KDM4B: variants seen among roughly 807,000 people sequenced by gnomAD.
KDM4B encodes lysine demethylase 4B, also known as lysine-specific demethylase 4B.
KDM4B carries 32 observed loss-of-function variants against 125.2 expected under a neutral mutation model. The ratio of observed to expected loss-of-function variants is 0.26; its 90% CI spans 0.19 to 0.34. KDM4B has a LOEUF of 0.34. KDM4B is among the 10% of genes least tolerant of loss of function. The pLI is 1.00. For synonymous variants in KDM4B, 721 were observed against 677.9 expected (o/e 1.06, Z -0.99); for missense variants, 1,190 against 1,577.7 (o/e 0.75, Z 4.16).
At chr19:5,113,940 G>A (rs2039203145) in intron 10 of KDM4B, 5 of 1,221,184 alleles carry the variant, frequency 4.1e-6, no homozygotes, top group South Asian at 2.8e-5. Context: ...CAGAGGACAC[G>A]GCCTACTCCC....
At position 5,110,701 on chromosome 19, in the gene KDM4B, G is replaced by C; in HGVS notation, c.998G>C (p.Trp333Ser). Residue 333 changes from tryptophan (W) to serine (S), a missense_variant, in exon 10 of 23, where the codon TGG becomes TCG. Physicochemically the swap from Trp to Ser is radical, Grantham distance 177. This residue lies in a region of KDM4B where 428 missense variants were observed against 405.1 expected (regional missense o/e 1.06). Coordinates refer to ENST00000159111, the MANE Select transcript of KDM4B (RefSeq NM_015015.3). ...CTGCAGCCCGAGCGCTACGAGCTGT[G>C]GAAGCAGGGCAAGGACCTCACGGTG... ...RILQPERYEL[W>S]KQGKDLTVLD... 1 of 1,612,966 alleles carries C rather than the reference G, an allele frequency of 6.2e-7. No individual in the cohort carries two copies. The highest frequency in any genetic ancestry group is 8.5e-7 in the Non-Finnish European group (1 of 1,179,884).
At chr19:5,064,335 C>CCGTCTG (rs1297898375) in intron 6 of KDM4B, among the ~76,000 whole-genome samples, 2 of 152,188 alleles carry the variant, frequency 1.3e-5, no homozygotes, top group Non-Finnish European at 1.5e-5. Context: ...TGGCGAAGGC[C>CCGTCTG]CGTCTGCCCA....
chr19:5,135,791 A>G (rs540333342), intron 15 of KDM4B, among the ~76,000 whole-genome samples: 1 of 152,324 alleles, frequency 6.6e-6, no homozygotes, highest in East Asian at 1.9e-4. Context: ...GGCTGTGGCC[A>G]TGGAAGGGCT....
intron 5 of KDM4B, among the ~76,000 whole-genome samples, chr19:5,046,524 C>T (rs2037031888): frequency 6.6e-6 from 1 of 152,214 alleles, no homozygotes; most frequent in South Asian, 2.1e-4. Flanking sequence ...GCTGTGAGAG[C>T]AGCTCACGTT....
intron 11 of KDM4B, among the ~76,000 whole-genome samples, chr19:5,120,451 G>A (rs1372001207): frequency 1.3e-5 from 2 of 152,188 alleles, no homozygotes; most frequent in Non-Finnish European, 2.9e-5. Context: ...CCGTCAGCAG[G>A]TCTCCCACCT....
intron 3 of KDM4B, among the ~76,000 whole-genome samples, chr19:5,039,455 C>T (rs994222046): frequency 6.6e-6 from 1 of 151,988 alleles, no homozygotes; most frequent in Non-Finnish European, 1.5e-5. Context: ...CCTGTCTCAA[C>T]AACAACAACA....
rs1440373845 is a variant in KDM4B, at chr19:5,020,237, TTGA to T, written c.-26+3901_-26+3903del. On this transcript the variant is annotated intron_variant, in intron 2 of 22. Transcript: ENST00000159111. ...TGCAGGTGTTAGTGTGCAGGTGTTG[TTGA>T]TGTTGGTGTGGGTGTTGGTGTACAG... is the stretch of plus-strand genomic sequence containing the variant. Among the ~76,000 whole-genome samples, 9 of 145,768 alleles carry T rather than the reference TTGA, an allele frequency of 6.2e-5. No homozygotes were observed. The East Asian group carries it at 1.0e-3, about 17-fold the overall frequency.
rs190522365 is a variant in KDM4B, at chr19:5,051,885, C to T, written c.626+4216C>T. Among the ~76,000 whole-genome samples, 354 of 152,346 alleles carry T rather than the reference C, an allele frequency of 2.3e-3. 1 individual carries two copies. Among genetic ancestry groups the T allele is most frequent in the South Asian group, 0.016 (77 of 4,828 alleles). ...ATCTCTGGCTGTTTCCTCAGGGGATCGCTCCGCCCACCCTCTCCTGCCTCT... is the reference window on the plus strand; with the variant it reads ...ATCTCTGGCTGTTTCCTCAGGGGATTGCTCCGCCCACCCTCTCCTGCCTCT... On this transcript the variant is annotated intron_variant, in intron 6 of 22. Transcript: ENST00000159111.
At chr19:5,036,349 A>C (rs993288838) in intron 3 of KDM4B, among the ~76,000 whole-genome samples, 3 of 152,246 alleles carry the variant, frequency 2.0e-5, no homozygotes, top group Non-Finnish European at 4.4e-5. Context: ...CTGCGGGCAC[A>C]GCCCTGAGAG....
intron 10 of KDM4B, 66 bp from the exon 11 acceptor site, chr19:5,119,587 A>G: frequency 1.4e-6 from 2 of 1,435,684 alleles, no homozygotes; most frequent in Middle Eastern, 1.7e-4. Flanking sequence ...TGCCGGACAG[A>G]GTGCACAGAC....
chr19:5,080,618 T>C (rs1197764082), intron 8 of KDM4B: 1 of 152,242 alleles, frequency 6.6e-6, no homozygotes, highest in Non-Finnish European at 1.5e-5. Context: ...GGCGGTGCCA[T>C]GGCCATGGAA....
At position 5,081,833 on chromosome 19, in the gene KDM4B, G is replaced by A. The variant is rs541980454; in HGVS notation, c.781-534G>A. ...GTGGTGGTTCCTTTCTCATGCGAGG[G>A]CAGAAGGTGTCCTGAGCGCGTGCAG... On this transcript the variant is annotated intron_variant, in intron 8 of 22. Coordinates refer to ENST00000159111, the MANE Select transcript of KDM4B (RefSeq NM_015015.3). This position sits in a 1 kb window ranked among gnomAD's most constrained non-coding sequence, Gnocchi z 4.2. Among the ~76,000 whole-genome samples the A allele has an allele frequency of 1.3e-5, 2 of 152,238 alleles. No homozygotes were observed. Among genetic ancestry groups the A allele is most frequent in the South Asian group, 2.1e-4 (1 of 4,824 alleles).
chr19:4,987,908 G>A (rs1237651556), intron 1 of KDM4B, among the ~76,000 whole-genome samples: 2 of 152,186 alleles, frequency 1.3e-5, no homozygotes, highest in Non-Finnish European at 2.9e-5. Flanking sequence ...CTGGCTGGTG[G>A]GTTGAATGTG....
At chr19:5,130,295 G>A (rs1255054481) in intron 11 of KDM4B, among the ~76,000 whole-genome samples, 2 of 152,124 alleles carry the variant, frequency 1.3e-5, no homozygotes, top group African/African-American at 2.4e-5. Context: ...GTTGGGACCC[G>A]CACGCTTCTG....
intron 10 of KDM4B, chr19:5,111,652 A>G (rs2039148731): frequency 1.4e-6 from 1 of 707,546 alleles, no homozygotes; most frequent in Admixed American, 1.9e-5. Flanking sequence ...TTTGGTGCCC[A>G]AGGAACATTC....
rs2620800 is a variant in KDM4B, at chr19:5,086,652, C to T, written c.918+4148C>T. Among the ~76,000 whole-genome samples, 80 of 152,314 alleles carry T rather than the reference C, an allele frequency of 5.3e-4. 1 individual carries two copies. Among genetic ancestry groups the T allele is most frequent in the Admixed American group, 3.9e-3 (60 of 15,310 alleles). On this transcript the variant is annotated intron_variant, in intron 9 of 22. Coordinates refer to ENST00000159111, the MANE Select transcript of KDM4B (RefSeq NM_015015.3). ...CGCAGGACAGCCACCTCCTCCCCCC[C>T]CCAGCCCCCAGGGCCTCTGTGGGCA...
At position 5,085,815 on chromosome 19, in the gene KDM4B, C is replaced by A. The variant is rs542354370; in HGVS notation, c.918+3311C>A. Among the ~76,000 whole-genome samples, 7 of 152,332 alleles carry A rather than the reference C, an allele frequency of 4.6e-5. No homozygotes were observed. The East Asian group carries it at 9.7e-4, about 21-fold the overall frequency. ...GGTCGGTGGCTCTCAGGCTTCTTGGCGGGGCAGCCGGCCCCTGACTCTGGC... is the reference window on the plus strand; with the variant it reads ...GGTCGGTGGCTCTCAGGCTTCTTGGAGGGGCAGCCGGCCCCTGACTCTGGC... On this transcript the variant is annotated intron_variant, in intron 9 of 22. Transcript: ENST00000159111.
At chr19:5,097,995 G>A (rs1272266172) in intron 9 of KDM4B, among the ~76,000 whole-genome samples, 1 of 152,226 alleles carries the variant, frequency 6.6e-6, no homozygotes, top group African/African-American at 2.4e-5. Flanking sequence ...CTCTGTGGAA[G>A]GTTTCTGCAT....
chr19:4,989,272 T>C (rs2145367727), intron 1 of KDM4B, among the ~76,000 whole-genome samples: 1 of 152,314 alleles, frequency 6.6e-6, no homozygotes, highest in African/African-American at 2.4e-5. Context: ...TCACACGTGC[T>C]GTTGGCTGTG....
Sources: allele counts gnomAD v4.1 joint callset (sites outside exome capture counted in the v4.1 genomes callset), GRCh38; gene constraint gnomAD v4.1.1; regional missense constraint gnomAD v4.1.1; non-coding constraint Gnocchi (gnomAD v3.1); transcripts MANE v1.5; gene names NCBI Gene and HGNC (gene_info 2026-07-23, HGNC 2026-07-21).